MYPN: variants seen among roughly 807,000 people sequenced by gnomAD.
The protein encoded by MYPN is sarcomeric protein myopalladin, 145 kDa (MYOP).
In MYPN, 63 loss-of-function variants were observed where a neutral mutation model predicts 129.4. The observed-to-expected ratio is 0.49, with a 90% CI of 0.40 to 0.60. The LOEUF is 0.60. Ranked by LOEUF, MYPN falls within the 20% of genes least tolerant of loss-of-function variation. The pLI is 0.00. For missense variants in MYPN, 1,596 were observed against 1,635.4 expected, an observed-to-expected ratio of 0.98 and a Z score of 0.42; for synonymous variants, 629 against 600.9, an observed-to-expected ratio of 1.05 and a Z score of -0.68.
At chr10:68,133,279 C>A (rs1174613862) in intron 2 of MYPN, among the ~76,000 whole-genome samples, 1 of 152,096 alleles carries the variant, frequency 6.6e-6, no homozygotes, top group Non-Finnish European at 1.5e-5. Context: ...CTTGCCTCAG[C>A]CTCCCAAAGT....
At chr10:68,167,106 A>T (rs541907476) in intron 10 of MYPN, among the ~76,000 whole-genome samples, 2 of 152,286 alleles carry the variant, frequency 1.3e-5, no homozygotes, top group South Asian at 4.1e-4. Context: ...TGTTTTGCCA[A>T]ATGTACATCC....
rs2134089672 is a variant in MYPN at position 68,148,414 on chromosome 10, G to A, written c.1192G>A (p.Val398Ile). 1.2e-6 allele frequency: 2 copies of A among 1,614,134 alleles called. No individual in the cohort carries two copies. Among genetic ancestry groups the A allele is most frequent in the Non-Finnish European group, 1.7e-6 (2 of 1,179,988 alleles). The change falls in exon 5 of 20, where the codon GTA (valine) becomes ATA (isoleucine). Residue 398 changes from valine to isoleucine, a missense_variant. By Grantham distance (29) the Val-to-Ile change is conservative. Transcript: ENST00000358913. ...PTTSAVIPPA[V>I]PQAQHLVAQP... ...TACCTCTGCAGTCATTCCTCCAGCA[G>A]TACCCCAAGCCCAGCATTTGGTGGC...
chr10:68,124,278 G>A (rs934873124), intron 2 of MYPN, among the ~76,000 whole-genome samples: 1 of 152,110 alleles, frequency 6.6e-6, no homozygotes, highest in Non-Finnish European at 1.5e-5. Flanking sequence ...TGGTTGAAGT[G>A]GATTACTTTT....
In MYPN at chr10:68,190,694, T is replaced by C. The variant is rs866053971; in HGVS notation, c.2925+1568T>C. 2.6e-5 allele frequency among the ~76,000 whole-genome samples: 4 copies of C among 152,342 alleles called. No homozygotes were observed. The South Asian group carries it at 6.2e-4, about 24-fold the overall frequency. ...AGCAGAAGCTTTTTACTTGCTGTAA[T>C]CCAATTTGTCTATTTTTGCCTTTGT... On this transcript the variant is annotated intron_variant, in intron 13 of 19. Coordinates refer to ENST00000358913, the MANE Select transcript of MYPN (RefSeq NM_032578.4).
chr10:68,097,266 C>A (rs2041961322), intron 1 of MYPN, among the ~76,000 whole-genome samples: 1 of 152,156 alleles, frequency 6.6e-6, no homozygotes, highest in Non-Finnish European at 1.5e-5. Flanking sequence ...AAACTCATCA[C>A]CCTTGGCACT....
chr10:68,173,310 C>G (rs1388165757), intron 10 of MYPN, among the ~76,000 whole-genome samples: 1 of 152,190 alleles, frequency 6.6e-6, no homozygotes, highest in African/African-American at 2.4e-5. Context: ...GTAACTCACA[C>G]TGGCATGTAG....
chr10:68,191,074 G>A (rs1391807399), intron 13 of MYPN, among the ~76,000 whole-genome samples: 1 of 152,098 alleles, frequency 6.6e-6, no homozygotes, highest in Non-Finnish European at 1.5e-5. Context: ...GTACCATGGT[G>A]TTTTGGATAT....
rs113022625 is a variant in MYPN, at chr10:68,198,588, C to T, written c.3286-780C>T. ...TAATATTCGGATTGATTGCTACATC[C>T]CCCTCCCTAAACTCTGAAAGATTCC... is the stretch of plus-strand genomic sequence containing the variant. On this transcript the variant is annotated intron_variant, in intron 16 of 19. Transcript: ENST00000358913. Among the ~76,000 whole-genome samples, 1,357 of 152,230 alleles carry T rather than the reference C, an allele frequency of 8.9e-3. 28 individuals carry two copies. The highest frequency in any genetic ancestry group is 0.031 in the African/African-American group (1,268 of 41,538).
At chr10:68,097,497 G>C (rs1235286938) in intron 1 of MYPN, among the ~76,000 whole-genome samples, 1 of 152,072 alleles carries the variant, frequency 6.6e-6, no homozygotes, top group Non-Finnish European at 1.5e-5. Context: ...TTTTATAATA[G>C]TAATGATAAT....
chr10:68,177,471 T>C (rs890175173), intron 12 of MYPN, among the ~76,000 whole-genome samples: 2 of 152,212 alleles, frequency 1.3e-5, no homozygotes, highest in African/African-American at 4.8e-5. Flanking sequence ...CTGTCTGAGA[T>C]GGAATGCTTG....
Position 68,175,303 on chromosome 10 carries a change from G to A in MYPN, c.2565-20G>A, listed in dbSNP as rs758443403. The stretch of plus-strand genomic sequence containing the variant: ...GCCAGTGCTTTTCATGGGTGTGTCA[G>A]GTGTGGATTTATCTTACAGGCCATC... On this transcript the variant is annotated intron_variant, in intron 11 of 19. Transcript: ENST00000358913. 1 of 1,613,702 alleles carries A rather than the reference G, an allele frequency of 6.2e-7. No homozygotes were observed. Among genetic ancestry groups the A allele is most frequent in the Non-Finnish European group, 8.5e-7 (1 of 1,179,824 alleles).
At chr10:68,092,875 C>T (rs181919390) in intron 1 of MYPN, among the ~76,000 whole-genome samples, 41 of 152,136 alleles carry the variant, frequency 2.7e-4, no homozygotes, top group Non-Finnish European at 5.0e-4. Context: ...GAATGATTTA[C>T]CCAAGGCTGT....
intron 2 of MYPN, among the ~76,000 whole-genome samples, chr10:68,128,175 C>T (rs2042354997): frequency 6.6e-6 from 1 of 152,094 alleles, no homozygotes; most frequent in South Asian, 2.1e-4. Flanking sequence ...TCATGTATTA[C>T]CCAGAGATGA....
At position 68,174,534 on chromosome 10, in the gene MYPN, A is replaced by C. The variant is rs765703730; in HGVS notation, c.2442A>C (p.Pro814=). The change falls in exon 11 of 20, where the codon CCA becomes CCC. Residue 814 remains proline (P), a synonymous_variant. Coordinates refer to ENST00000358913, the MANE Select transcript of MYPN (RefSeq NM_032578.4). ...GNQFQPRCVS[P]IPVSPTSRIQ... is the part of the protein sequence containing the mutation. ...AGTTTCAGCCCCGCTGTGTGTCCCC[A>C]ATTCCTGTCTCTCCTACCAGCCGGA... The C allele has an allele frequency of 6.2e-7, 1 of 1,613,986 alleles. No homozygotes were observed. The highest frequency in any genetic ancestry group is 2.2e-5 in the East Asian group (1 of 44,866).
At chr10:68,185,762 T>C (rs976109306) in intron 12 of MYPN, among the ~76,000 whole-genome samples, 1 of 152,186 alleles carries the variant, frequency 6.6e-6, no homozygotes, top group Non-Finnish European at 1.5e-5. Flanking sequence ...AAACCCAAAT[T>C]TATTAAAAAG....
intron 12 of MYPN, among the ~76,000 whole-genome samples, 199 bp from the exon 13 acceptor site, chr10:68,188,706 G>T (rs956636821): frequency 6.6e-6 from 1 of 152,218 alleles, no homozygotes; most frequent in Admixed American, 6.5e-5. Flanking sequence ...CACTAAGGCC[G>T]TGTGGGATTT....
At chr10:68,125,179 C>G (rs57560491) in intron 2 of MYPN, among the ~76,000 whole-genome samples, 3,526 of 152,212 alleles carry the variant, frequency 0.023, 217 homozygotes, top group East Asian at 0.2. Flanking sequence ...GCAAAGTAAT[C>G]TGGTGGCCAC....
intron 17 of MYPN, among the ~76,000 whole-genome samples, chr10:68,201,264 C>T (rs1235809714): frequency 6.6e-6 from 1 of 152,222 alleles, no homozygotes; most frequent in African/African-American, 2.4e-5. Flanking sequence ...TCAAGTATTG[C>T]CTCTCGTGGG....
intron 10 of MYPN, among the ~76,000 whole-genome samples, chr10:68,169,455 G>A (rs1057114753): frequency 3.3e-5 from 5 of 151,940 alleles, no homozygotes; most frequent in East Asian, 1.9e-4. Context: ...CCTCAGGTAC[G>A]TCGGTTAGGA....
Sources: gnomAD v4.1 joint callset for allele counts (sites outside exome capture counted in the v4.1 genomes callset) on GRCh38, gnomAD v4.1.1 for gene constraint, MANE v1.5 for transcripts, NCBI Gene and HGNC (gene_info 2026-07-23, HGNC 2026-07-21) for gene names.